PHLPP1: variants seen among roughly 807,000 people sequenced by gnomAD.
PHLPP1 encodes PH domain and leucine rich repeat protein phosphatase 1, also known as PH domain leucine-rich repeat-containing protein phosphatase 1.
PHLPP1 carries 42 observed loss-of-function variants against 117.2 expected under a neutral mutation model. That is an observed-to-expected ratio of 0.36 (90% CI 0.28 to 0.46). PHLPP1 has a LOEUF of 0.46. PHLPP1 is among the 20% of genes least tolerant of loss of function. The pLI, the probability that PHLPP1 is intolerant of heterozygous loss-of-function variation, is 1.00. For missense variants in PHLPP1, 2,084 were observed against 2,241.9 expected (o/e 0.93, Z 1.42); for synonymous variants, 1,042 against 970.7 (o/e 1.07, Z -1.37).
chr18:62,931,957 A>G (rs912213313), intron 10 of PHLPP1, among the ~76,000 whole-genome samples: 5 of 152,088 alleles, frequency 3.3e-5, no homozygotes, highest in Admixed American at 6.6e-5. Context: ...GATAGCACAG[A>G]AACAGAAAAG....
rs769147523 is a variant in PHLPP1, at chr18:62,860,561, C to T, written c.2026C>T (p.Pro676Ser). ...AAAACAAAACTTCCTAAGGCAGAACCCTAGCCTTCCAGCTGCCAGGGGGCT... is the reference window on the plus strand; with the variant it reads ...AAAACAAAACTTCCTAAGGCAGAACTCTAGCCTTCCAGCTGCCAGGGGGCT... ...NLKQNFLRQN[P>S]SLPAARGLNE... Residue 676 changes from proline (P) to serine (S), a missense_variant, in exon 4 of 17, where the codon CCT (proline) becomes TCT (serine). Around this residue, in one of 2 missense-constraint regions of PHLPP1, gnomAD observed 1,365 missense variants for 1,605.9 expected, o/e 0.85. Coordinates refer to ENST00000262719, the MANE Select transcript of PHLPP1 (RefSeq NM_194449.4). The T allele has an allele frequency of 1.9e-6, 3 of 1,613,516 alleles. No individual in the cohort carries two copies. The South Asian group carries it at 3.3e-5, about 18-fold the overall frequency.
chr18:62,764,514 G>C (rs1186156882), intron 1 of PHLPP1, among the ~76,000 whole-genome samples: 3 of 152,018 alleles, frequency 2.0e-5, no homozygotes, highest in Non-Finnish European at 4.4e-5. Context: ...GTACAAGGGA[G>C]GCCAAGGCAG....
intron 14 of PHLPP1, among the ~76,000 whole-genome samples, chr18:62,966,979 C>T (rs1299647069): frequency 1.3e-5 from 2 of 152,160 alleles, no homozygotes; most frequent in East Asian, 1.9e-4. Context: ...TAGTATATGG[C>T]CTTCTCAGTC....
intron 1 of PHLPP1, among the ~76,000 whole-genome samples, chr18:62,770,554 A>T (rs148724101): frequency 2.6e-5 from 4 of 152,322 alleles, no homozygotes; most frequent in Non-Finnish European, 4.4e-5. Flanking sequence ...AACTTTTTGG[A>T]TGAGAACACC....
intron 1 of PHLPP1, among the ~76,000 whole-genome samples, chr18:62,826,973 C>G (rs1156339129): frequency 6.6e-6 from 1 of 152,108 alleles, no homozygotes; most frequent in Admixed American, 6.5e-5. Context: ...GCACTCCAGC[C>G]TGGGTGACAG....
At chr18:62,862,268 A>G (rs1373466512) in intron 4 of PHLPP1, among the ~76,000 whole-genome samples, 1 of 151,844 alleles carries the variant, frequency 6.6e-6, no homozygotes, top group East Asian at 1.9e-4. Context: ...TTTAGTAGAG[A>G]TGGGGTTTCA....
chr18:62,947,008 G>A (rs1202380718), intron 12 of PHLPP1, among the ~76,000 whole-genome samples: 8 of 152,228 alleles, frequency 5.3e-5, no homozygotes, highest in South Asian at 4.1e-4. Flanking sequence ...AGCCGAGATC[G>A]TGCCACTGCG....
intron 4 of PHLPP1, among the ~76,000 whole-genome samples, chr18:62,887,671 C>T (rs1248438325): frequency 6.6e-6 from 1 of 152,170 alleles, no homozygotes; most frequent in Non-Finnish European, 1.5e-5. Context: ...CTCCTAAAGA[C>T]CGTACCTCTT....
chr18:62,803,770 A>G (rs1355999568), intron 1 of PHLPP1, among the ~76,000 whole-genome samples: 1 of 152,204 alleles, frequency 6.6e-6, no homozygotes, highest in Admixed American at 6.5e-5. Flanking sequence ...GATTCTGCAA[A>G]CAATTGTAAA....
At chr18:62,936,949 G>C (rs1324929240) in intron 10 of PHLPP1, among the ~76,000 whole-genome samples, 6 of 152,208 alleles carry the variant, frequency 3.9e-5, no homozygotes, top group Non-Finnish European at 5.9e-5. Flanking sequence ...AGAAATCAGA[G>C]GGTTGCCTAA....
chr18:62,759,931 T>G (rs1912159612), intron 1 of PHLPP1, among the ~76,000 whole-genome samples: 1 of 152,228 alleles, frequency 6.6e-6, no homozygotes, highest in Admixed American at 6.5e-5. Context: ...TCATCTTGGC[T>G]TAAATGGATA....
At chr18:62,764,794 A>G (rs1912408972) in intron 1 of PHLPP1, among the ~76,000 whole-genome samples, 1 of 152,244 alleles carries the variant, frequency 6.6e-6, no homozygotes, top group African/African-American at 2.4e-5. Context: ...TTTCATTATT[A>G]TTGGCTATTT....
chr18:62,885,310 A>G (rs1916258475), intron 4 of PHLPP1, among the ~76,000 whole-genome samples: 1 of 152,160 alleles, frequency 6.6e-6, no homozygotes, highest in Non-Finnish European at 1.5e-5. Flanking sequence ...ACTCCCAACT[A>G]GTTTTTTAGA....
intron 3 of PHLPP1, among the ~76,000 whole-genome samples, chr18:62,852,339 TTTTA>T (rs1001494897): frequency 3.9e-4 from 59 of 152,088 alleles, no homozygotes; most frequent in African/African-American, 1.1e-3. Context: ...TGTAATTAAT[TTTTA>T]TTTATTTATT....
intron 1 of PHLPP1, among the ~76,000 whole-genome samples, chr18:62,783,297 G>C (rs1913176977): frequency 7.2e-6 from 1 of 138,854 alleles, no homozygotes; most frequent in South Asian, 2.3e-4. Context: ...GCGTGATCTT[G>C]GCTCACTGCA....
rs146051611 is a variant in PHLPP1 at position 62,777,808 on chromosome 18, C to T, written c.1577-52227C>T. On this transcript the variant is annotated intron_variant, in intron 1 of 16. Coordinates refer to ENST00000262719, the MANE Select transcript of PHLPP1 (RefSeq NM_194449.4). ...TTTAGAATATTTTTGTTAAAGTGCT[C>T]GTTGTTTTTGTCTCTCACATTAAAA... is the stretch of plus-strand genomic sequence containing the variant. Among the ~76,000 whole-genome samples the T allele has an allele frequency of 2.0e-3, 303 of 152,266 alleles. 1 individual carries two copies. The highest frequency in any genetic ancestry group is 0.014 in the Middle Eastern group (4 of 294).
At chr18:62,852,042 A>C (rs1173552180) in intron 3 of PHLPP1, among the ~76,000 whole-genome samples, 1 of 151,148 alleles carries the variant, frequency 6.6e-6, no homozygotes, top group Admixed American at 6.6e-5. Context: ...ACACCTGGCC[A>C]ATTTTTTAAT....
At chr18:62,778,071 A>G (rs12960393) in intron 1 of PHLPP1, among the ~76,000 whole-genome samples, 5,124 of 152,238 alleles carry the variant, frequency 0.034, 145 homozygotes, top group Non-Finnish European at 0.049. Context: ...CCAGTTTTCT[A>G]TGTAAAGAAT....
intron 1 of PHLPP1, among the ~76,000 whole-genome samples, chr18:62,772,051 A>G (rs1254424639): frequency 6.6e-6 from 1 of 152,128 alleles, no homozygotes; most frequent in Non-Finnish European, 1.5e-5. Context: ...GAGTGCTGTC[A>G]TCTGTCTCTT....
Sources: gnomAD v4.1 joint callset for allele counts (sites outside exome capture counted in the v4.1 genomes callset) on GRCh38, gnomAD v4.1.1 for gene constraint, gnomAD v4.1.1 regional missense constraint, MANE v1.5 for transcripts, NCBI Gene and HGNC (gene_info 2026-07-23, HGNC 2026-07-21) for gene names.